ASTN2: variants seen among roughly 807,000 people sequenced by gnomAD.
ASTN2 encodes the protein astrotactin 2.
ASTN2 carries 54 observed loss-of-function variants against 139.8 expected under a neutral mutation model. That is an observed-to-expected ratio of 0.39 (90% CI 0.31 to 0.48). ASTN2 has a LOEUF of 0.48. Ranked by LOEUF, ASTN2 falls within the 20% of genes least tolerant of loss-of-function variation. The pLI is 0.95. For missense variants in ASTN2, 1,565 were observed against 1,725.1 expected, an observed-to-expected ratio of 0.91 and a Z score of 1.64; for synonymous variants, 756 against 719.5, an observed-to-expected ratio of 1.05 and a Z score of -0.81.
chr9:117,254,521 T>G (rs1020353161), intron 2 of ASTN2, among the ~76,000 whole-genome samples: 1 of 152,134 alleles, frequency 6.6e-6, no homozygotes, highest in Non-Finnish European at 1.5e-5. Context: ...CAAATGGGGA[T>G]CGTTTATGGT....
intron 1 of ASTN2, among the ~76,000 whole-genome samples, chr9:117,328,807 G>T (rs1315242421): frequency 6.6e-6 from 1 of 152,202 alleles, no homozygotes; most frequent in Non-Finnish European, 1.5e-5. Flanking sequence ...GAGTAAATGG[G>T]TTTAGCAACA....
intron 19 of ASTN2, among the ~76,000 whole-genome samples, chr9:116,607,342 A>G (rs1315521929): frequency 6.6e-6 from 1 of 152,086 alleles, no homozygotes; most frequent in Admixed American, 6.5e-5. Context: ...ACAACTGCCC[A>G]CCCACAAAGT....
intron 1 of ASTN2, among the ~76,000 whole-genome samples, chr9:117,299,253 T>C (rs756230726): frequency 5.3e-5 from 8 of 152,230 alleles, no homozygotes; most frequent in Admixed American, 1.3e-4. Flanking sequence ...ATACTGACTA[T>C]ATTTTACCTC....
At chr9:116,475,604 C>T (rs1414267863) in intron 20 of ASTN2, among the ~76,000 whole-genome samples, 1 of 152,220 alleles carries the variant, frequency 6.6e-6, no homozygotes, top group East Asian at 1.9e-4. Context: ...TTGGGTGCAC[C>T]CTTTTGTGTC....
intron 3 of ASTN2, among the ~76,000 whole-genome samples, chr9:117,193,950 G>A (rs958794605): frequency 3.5e-5 from 5 of 140,894 alleles, no homozygotes; most frequent in Non-Finnish European, 7.9e-5. Flanking sequence ...GCAGGGAGCA[G>A]AGGGCAGGGT....
intron 13 of ASTN2, among the ~76,000 whole-genome samples, chr9:116,767,223 A>G (rs894211134): frequency 4.6e-5 from 7 of 152,080 alleles, no homozygotes; most frequent in Admixed American, 3.9e-4. Flanking sequence ...AATTGACTCA[A>G]TGGGAACCCG....
rs991308658 is a variant in ASTN2 at position 117,231,055 on chromosome 9, G to A, written c.631-16313C>T. 5.3e-5 allele frequency among the ~76,000 whole-genome samples: 8 copies of A among 152,258 alleles called. No homozygotes were observed. The South Asian group carries it at 8.3e-4, about 16-fold the overall frequency. ...TGCAGGAGACCTTATCATCAGGTAG[G>A]GTTGGTCTGGGAGCAGAAGAGTATT... On this transcript the variant is annotated intron_variant, in intron 2 of 22. Coordinates refer to ENST00000313400, the MANE Select transcript of ASTN2 (RefSeq NM_001365068.1).
chr9:116,963,794 G>T (rs1475087995), intron 10 of ASTN2, among the ~76,000 whole-genome samples: 2 of 152,150 alleles, frequency 1.3e-5, no homozygotes, highest in South Asian at 2.1e-4. Context: ...TTCTCACTGG[G>T]TTCAGCCAAT....
chr9:116,488,959 G>GA (rs1261769272), intron 19 of ASTN2, among the ~76,000 whole-genome samples: 2 of 151,986 alleles, frequency 1.3e-5, no homozygotes, highest in Admixed American at 6.6e-5. Context: ...GATGATCTAG[G>GA]AAAAAAACTG....
chr9:116,902,649 G>T lies in ASTN2; in HGVS notation c.1890-38916C>A, dbSNP rs143445089. On this transcript the variant is annotated intron_variant, in intron 10 of 22. Coordinates refer to ENST00000313400, the MANE Select transcript of ASTN2 (RefSeq NM_001365068.1). Reference sequence around the variant, plus strand: ...AGGATGTTGTCACAATGACAGAATCGCCTAATGGTACATTTCTCAGAAGAT... The same window carrying T: ...AGGATGTTGTCACAATGACAGAATCTCCTAATGGTACATTTCTCAGAAGAT... Among the ~76,000 whole-genome samples, 11 of 152,094 alleles carry T rather than the reference G, an allele frequency of 7.2e-5. No homozygotes were observed. In the East Asian group the frequency reaches 2.1e-3, roughly 29 times the overall value.
chr9:116,966,010 T>G (rs1836001138), intron 10 of ASTN2, among the ~76,000 whole-genome samples: 4 of 152,154 alleles, frequency 2.6e-5, no homozygotes. Context: ...ATGCTGCTTA[T>G]CACTATCTCC....
At chr9:116,562,921 T>G (rs2131666942) in intron 19 of ASTN2, among the ~76,000 whole-genome samples, 1 of 152,188 alleles carries the variant, frequency 6.6e-6, no homozygotes, top group African/African-American at 2.4e-5. Flanking sequence ...AGCCAGAAAG[T>G]ATGCTTGGTC....
intron 4 of ASTN2, among the ~76,000 whole-genome samples, chr9:117,098,778 TAA>T (rs34559407): frequency 3.9e-4 from 55 of 141,974 alleles, no homozygotes; most frequent in East Asian, 1.6e-3. Context: ...ATTTTACTGT[TAA>T]AAAAAAAAAA....
chr9:116,881,692 A>G (rs984427557), intron 10 of ASTN2, among the ~76,000 whole-genome samples: 3 of 152,120 alleles, frequency 2.0e-5, no homozygotes, highest in Non-Finnish European at 4.4e-5. Context: ...GGAAAGTGCA[A>G]TTTCCCAAAA....
intron 6 of ASTN2, among the ~76,000 whole-genome samples, chr9:117,027,634 G>A (rs1838125878): frequency 6.6e-6 from 1 of 152,158 alleles, no homozygotes; most frequent in Non-Finnish European, 1.5e-5. Flanking sequence ...AAAGATGCTA[G>A]CAGAATCCTC....
At chr9:117,248,107 C>A (rs1833435037) in intron 2 of ASTN2, among the ~76,000 whole-genome samples, 1 of 152,184 alleles carries the variant, frequency 6.6e-6, no homozygotes, top group Non-Finnish European at 1.5e-5. Flanking sequence ...GCCCCAGCCT[C>A]TGGCAGAAGA....
At chr9:116,790,954 G>T (rs1309643862) in intron 13 of ASTN2, among the ~76,000 whole-genome samples, 3 of 85,926 alleles carry the variant, frequency 3.5e-5, no homozygotes, top group Non-Finnish European at 7.8e-5. Flanking sequence ...AAGAAAGAAA[G>T]AAAAGAAAGA....
intron 4 of ASTN2, among the ~76,000 whole-genome samples, chr9:117,126,311 TAGC>T (rs1464504677): frequency 6.6e-6 from 1 of 152,214 alleles, no homozygotes; most frequent in Non-Finnish European, 1.5e-5. Flanking sequence ...AGCTACAATG[TAGC>T]AGAAGGTACA....
chr9:116,915,111 C>A (rs1389209001), intron 10 of ASTN2, among the ~76,000 whole-genome samples: 1 of 152,166 alleles, frequency 6.6e-6, no homozygotes. Context: ...ACAGAACACA[C>A]TGCCCTCTCT....
Sources: allele counts gnomAD v4.1 joint callset (sites outside exome capture counted in the v4.1 genomes callset), GRCh38; gene constraint gnomAD v4.1.1; transcripts MANE v1.5; gene names NCBI Gene and HGNC (gene_info 2026-07-23, HGNC 2026-07-21).